Variants in CLINT1 observed in about 807,000 individuals in gnomAD.
CLINT1 encodes clathrin interacting protein localized in the trans-Golgi region.
Under a neutral mutation model 70.4 loss-of-function variants are expected in CLINT1, and 15 were observed. That is an observed-to-expected ratio of 0.21 (90% CI 0.14 to 0.33). The LOEUF (loss-of-function observed/expected upper bound fraction) is 0.33, where lower values mean the gene tolerates loss of function less well. Among genes scored for constraint, CLINT1 ranks in the 10% least tolerant of loss-of-function variants. CLINT1 has a pLI of 1.00. For synonymous variants in CLINT1, 227 were observed against 254.7 expected (o/e 0.89, Z 1.04); for missense variants, 615 against 778.1 (o/e 0.79, Z 2.49).
chr5:157,814,162 T>C, intron 4 of CLINT1, 23 bp downstream of exon 4: 1 of 1,484,056 alleles, frequency 6.7e-7, no homozygotes, highest in Non-Finnish European at 9.3e-7. Flanking sequence ...TTAATTTGCT[T>C]ATAAGGTTTT....
intron 1 of CLINT1, among the ~76,000 whole-genome samples, chr5:157,826,633 T>C (rs1763049774): frequency 8.7e-6 from 1 of 114,916 alleles, no homozygotes; most frequent in Non-Finnish European, 2.2e-5. Flanking sequence ...TTTCCATACA[T>C]GCATGTGAGA....
At chr5:157,812,931 C>T (rs920616139) in intron 5 of CLINT1, 132 bp downstream of exon 5, 9 of 776,444 alleles carry the variant, frequency 1.2e-5, no homozygotes, top group East Asian at 7.9e-5. Context: ...ATTAGTACTG[C>T]GTGTATTTTA....
intron 11 of CLINT1, 39 bp downstream of exon 11, chr5:157,789,324 C>T (rs746736654): frequency 6.4e-7 from 1 of 1,565,162 alleles, no homozygotes. Flanking sequence ...CAAAAGACTG[C>T]AAGTACACAA....
chr5:157,851,487 G>A (rs761535582), intron 1 of CLINT1, among the ~76,000 whole-genome samples: 2 of 151,902 alleles, frequency 1.3e-5, no homozygotes, highest in Admixed American at 6.6e-5. Context: ...TCAGGAGTTC[G>A]AGACCAGCCT....
chr5:157,830,796 C>CTCTCTCTCTCTCTA (rs1300619885), intron 1 of CLINT1, among the ~76,000 whole-genome samples: 3 of 85,720 alleles, frequency 3.5e-5, no homozygotes, highest in Non-Finnish European at 6.4e-5. Flanking sequence ...CTCTCTCTCT[C>CTCTCTCTCTCTCTA]TATATATATA....
Position 157,789,169 on chromosome 5 carries a change from T to C in CLINT1, c.1531+194A>G, listed in dbSNP as rs138391307. ...ACAATAAATGTTATCAGGACAAGAATAGAATATAAAGTAATTCAATGTGCC... is the reference window on the plus strand; with the variant it reads ...ACAATAAATGTTATCAGGACAAGAACAGAATATAAAGTAATTCAATGTGCC... On this transcript the variant is annotated intron_variant, in intron 11 of 11. Transcript: ENST00000411809. Among the ~76,000 whole-genome samples the C allele has an allele frequency of 7.2e-3, 1,099 of 152,260 alleles. 6 individuals are homozygous for C. The highest frequency in any genetic ancestry group is 0.024 in the Middle Eastern group (7 of 294).
intron 1 of CLINT1, among the ~76,000 whole-genome samples, chr5:157,821,031 T>C (rs1762866558): frequency 6.6e-6 from 1 of 152,198 alleles, no homozygotes; most frequent in African/African-American, 2.4e-5. Context: ...GATTCCTAAC[T>C]TGAAATTTTA....
intron 4 of CLINT1, among the ~76,000 whole-genome samples, chr5:157,813,679 G>GT (rs1762628100): frequency 6.6e-6 from 1 of 152,190 alleles, no homozygotes; most frequent in Admixed American, 6.5e-5. Context: ...TAATTATGAG[G>GT]TTTTAGCATA....
chr5:157,855,163 G>GGA (rs201817013), intron 1 of CLINT1, among the ~76,000 whole-genome samples: 5 of 86,148 alleles, frequency 5.8e-5, no homozygotes, highest in Admixed American at 1.3e-4. Context: ...AAGGCGGGGG[G>GGA]GGGGGCGGGT....
chr5:157,792,612 C>A (rs1008197419), intron 9 of CLINT1, among the ~76,000 whole-genome samples: 4 of 152,146 alleles, frequency 2.6e-5, no homozygotes, highest in African/African-American at 9.6e-5. Context: ...GGGCTATAAC[C>A]TTAGCACATT....
Position 157,809,903 on chromosome 5 carries a change from C to G in CLINT1, c.518-98G>C, listed in dbSNP as rs1005905751. 4.1e-6 allele frequency: 5 copies of G among 1,232,110 alleles called. No homozygotes were observed. The Admixed American group carries it at 1.3e-4, about 33-fold the overall frequency. 76.3% of individuals were successfully genotyped at this position (1,232,110 alleles called of 1,614,324 possible). Reference sequence around the variant, plus strand: ...CTCAGGCTTTTCCTCATAATAAAATCATTTTCAAAGGAAAACAGAAAGCTC... The same window carrying G: ...CTCAGGCTTTTCCTCATAATAAAATGATTTTCAAAGGAAAACAGAAAGCTC... On this transcript the variant is annotated intron_variant, in intron 5 of 11. Transcript: ENST00000411809.
At chr5:157,846,891 GTTTACTGATTATT>G (rs1753401489) in intron 1 of CLINT1, among the ~76,000 whole-genome samples, 1 of 152,186 alleles carries the variant, frequency 6.6e-6, no homozygotes. Flanking sequence ...TTACAGCATA[GTTTACTGATTATT>G]TTAAGCCCAC....
At position 157,788,541 on chromosome 5, in the gene CLINT1, C is replaced by T. The variant is rs1296183531; in HGVS notation, c.1532-549G>A. 2.0e-5 allele frequency among the ~76,000 whole-genome samples: 3 copies of T among 152,134 alleles called. No individual in the cohort carries two copies. The East Asian group carries it at 5.8e-4, about 29-fold the overall frequency. On this transcript the variant is annotated intron_variant, in intron 11 of 11. Coordinates refer to ENST00000411809, the MANE Select transcript of CLINT1 (RefSeq NM_014666.4). ...GAAATAATTAGCAAGGGAAATCATA[C>T]ACTAATATAACTATCAAGAGCTAAC...
At chr5:157,806,828 C>G (rs1445787091) in intron 6 of CLINT1, among the ~76,000 whole-genome samples, 1 of 151,944 alleles carries the variant, frequency 6.6e-6, no homozygotes, top group Non-Finnish European at 1.5e-5. Context: ...TTTTTCTTTC[C>G]TTTTTCTTTA....
At position 157,848,597 on chromosome 5, in the gene CLINT1, G is replaced by A. The variant is rs190365285; in HGVS notation, c.41+10333C>T. 2.6e-3 allele frequency among the ~76,000 whole-genome samples: 399 copies of A among 150,898 alleles called. 1 individual carries two copies. Among genetic ancestry groups the A allele is most frequent in the Non-Finnish European group, 4.1e-3 (281 of 67,722 alleles). On this transcript the variant is annotated intron_variant, in intron 1 of 11. Coordinates refer to ENST00000411809, the MANE Select transcript of CLINT1 (RefSeq NM_014666.4). ...CCGCTCACTGCAACCTCTGCCTCCCGGGTTCAAGTGATTCTCGTGCCTCAA... is the reference window on the plus strand; with the variant it reads ...CCGCTCACTGCAACCTCTGCCTCCCAGGTTCAAGTGATTCTCGTGCCTCAA...
At chr5:157,858,886 C>G (rs773329263) in intron 1 of CLINT1, 44 bp downstream of exon 1, 3 of 872,634 alleles carry the variant, frequency 3.4e-6, no homozygotes, top group South Asian at 1.4e-5. Context: ...CCCCTCCCCC[C>G]TCCCCCACGT....
At chr5:157,805,007 A>G (rs1762345137) in intron 7 of CLINT1, among the ~76,000 whole-genome samples, 1 of 152,318 alleles carries the variant, frequency 6.6e-6, no homozygotes, top group South Asian at 2.1e-4. Context: ...TATTCAGGCT[A>G]TACTACAAAC....
chr5:157,787,785 T>C lies in CLINT1; in HGVS notation c.1739A>G (p.Asn580Ser). ...PMMNQSMMGMNMNIGMSAAGM... is the reference protein window; with the variant it reads ...PMMNQSMMGMSMNIGMSAAGM... ...AGCAGCGGACATCCCTATGTTCATGTTCATGCCCATCATGCTCTGGTTCAT... is the reference window on the plus strand; with the variant it reads ...AGCAGCGGACATCCCTATGTTCATGCTCATGCCCATCATGCTCTGGTTCAT... Residue 580 changes from asparagine to serine, a missense_variant, in exon 12 of 12, where the codon AAC (asparagine) becomes AGC (serine). Coordinates refer to ENST00000411809, the MANE Select transcript of CLINT1 (RefSeq NM_014666.4). The C allele has an allele frequency of 6.2e-7, 1 of 1,614,066 alleles. No homozygotes were observed. The highest frequency in any genetic ancestry group is 8.5e-7 in the Non-Finnish European group (1 of 1,179,900).
intron 8 of CLINT1, among the ~76,000 whole-genome samples, chr5:157,797,810 T>C (rs1174413934): frequency 1.3e-5 from 2 of 152,228 alleles, no homozygotes; most frequent in African/African-American, 4.8e-5. Flanking sequence ...CTGTATTTAG[T>C]ATTTCAGATA....
Sources: gnomAD v4.1 joint callset for allele counts (sites outside exome capture counted in the v4.1 genomes callset) on GRCh38, gnomAD v4.1.1 for gene constraint, MANE v1.5 for transcripts, NCBI Gene and HGNC (gene_info 2026-07-23, HGNC 2026-07-21) for gene names.